Variants in PPP2R3B observed in about 807,000 individuals in gnomAD.
PPP2R3B encodes the protein protein phosphatase 2 regulatory subunit B''beta.
PPP2R3B carries 68 observed loss-of-function variants against 72.9 expected under a neutral mutation model. That is an observed-to-expected ratio of 0.93 (90% CI 0.77 to 1.14). The LOEUF (loss-of-function observed/expected upper bound fraction) is 1.14, where lower values mean the gene tolerates loss of function less well. Ranked by LOEUF, PPP2R3B falls within the 50% of genes most tolerant of loss-of-function variation. The pLI, the probability that PPP2R3B is intolerant of heterozygous loss-of-function variation, is 0.00. For synonymous variants in PPP2R3B, 466 were observed against 375.8 expected (o/e 1.24, Z -2.78); for missense variants, 1,018 against 842.0 (o/e 1.21, Z -2.59).
intron 8 of PPP2R3B, chrX:341,650 C>A (rs1187799258): frequency 6.2e-6 from 4 of 648,950 alleles, no homozygotes; most frequent in African/African-American, 3.6e-5. Context: ...CCGACAAGAA[C>A]CCCCGACCTG....
At chrX:336,708 T>A (rs1486139156) in intron 12 of PPP2R3B, 2 of 152,174 alleles carry the variant, frequency 1.3e-5, no homozygotes, top group African/African-American at 4.8e-5. Flanking sequence ...ACAAGGTCAA[T>A]AAATTCTATA....
chrX:371,776 A>G (rs2071871253), intron 1 of PPP2R3B, among the ~76,000 whole-genome samples: 1 of 152,006 alleles, frequency 6.6e-6, no homozygotes, highest in African/African-American at 2.4e-5. Context: ...TCATGCGCGG[A>G]GTGAAAGCAG....
In PPP2R3B at chrX:340,960, G is replaced by A; in HGVS notation, c.1176-20C>T. The stretch of plus-strand genomic sequence containing the variant: ...TCGATGCTGCGGCACGGCGAGCTCT[G>A]TCAGCCCCTGCCCTGGGCCCTCCCA... On this transcript the variant is annotated intron_variant, in intron 9 of 12. Transcript: ENST00000390665. 1 of 1,604,388 alleles carries A rather than the reference G, an allele frequency of 6.2e-7. No individual in the cohort carries two copies.
chrX:344,986 G>A lies in PPP2R3B; in HGVS notation c.1036+530C>T, dbSNP rs866900767. On this transcript the variant is annotated intron_variant, in intron 7 of 12. Transcript: ENST00000390665. ...ACTCAAGCCCCACAGGCCACAGGCC[G>A]CTTTGAGTTCCTGCAAGTGTGGATG... is the stretch of plus-strand genomic sequence containing the variant. 1.8e-3 allele frequency: 648 copies of A among 356,820 alleles called. 2 individuals are homozygous for A. The highest frequency in any genetic ancestry group is 3.1e-3 in the Non-Finnish European group (553 of 180,904). The allele number at this position is 356,820 out of a possible 1,614,324, so 22.1% of individuals were successfully genotyped here.
At chrX:383,891 A>T (rs1284313038) in intron 1 of PPP2R3B, among the ~76,000 whole-genome samples, 1 of 151,244 alleles carries the variant, frequency 6.6e-6, no homozygotes, top group Non-Finnish European at 1.5e-5. Flanking sequence ...AAAACAACTA[A>T]GTTCCCAGTC....
chrX:345,806 G>T, intron 6 of PPP2R3B, 134 bp from the exon 7 acceptor site: 1 of 703,516 alleles, frequency 1.4e-6, no homozygotes, highest in Non-Finnish European at 2.1e-6. Context: ...GGCAGCTGGG[G>T]CCGGGGGGCA....
At chrX:341,036 C>G in intron 9 of PPP2R3B, 96 bp from the exon 10 acceptor site, 6 of 1,498,298 alleles carry the variant, frequency 4.0e-6, no homozygotes, top group Non-Finnish European at 5.4e-6. Flanking sequence ...TGCACGCGTC[C>G]CCGCTGTGCC....
intron 7 of PPP2R3B, 30 bp downstream of exon 7, chrX:345,486 C>A (rs1212563833): frequency 6.2e-7 from 1 of 1,610,890 alleles, no homozygotes; most frequent in Non-Finnish European, 8.5e-7. Context: ...GGTGTCCGCG[C>A]GGCCCGCCCG....
chrX:375,465 C>T (rs1030293265), intron 1 of PPP2R3B, among the ~76,000 whole-genome samples: 1 of 146,594 alleles, frequency 6.8e-6, no homozygotes, highest in African/African-American at 2.7e-5. Context: ...ATGCAGGATG[C>T]AAACTCACAG....
In PPP2R3B at chrX:367,658, G is replaced by C. The variant is rs145621444; in HGVS notation, c.325-6068C>G. 5.3e-3 allele frequency among the ~76,000 whole-genome samples: 807 copies of C among 152,338 alleles called. 11 individuals are homozygous for C. Among genetic ancestry groups the C allele is most frequent in the African/African-American group, 0.019 (770 of 41,570 alleles). ...CCAAGCTGAAAAAGAGCAGGAGACA[G>C]AGGTGCAGGATGAGACGGTCACAGT... On this transcript the variant is annotated intron_variant, in intron 1 of 12. Transcript: ENST00000390665.
At chrX:364,773 C>T (rs1256971391) in intron 1 of PPP2R3B, among the ~76,000 whole-genome samples, 1 of 79,534 alleles carries the variant, frequency 1.3e-5, no homozygotes. Flanking sequence ...CTCCCAGCTA[C>T]TCGGGAGGCT....
intron 12 of PPP2R3B, chrX:336,473 C>G (rs772714856): frequency 6.6e-6 from 1 of 152,344 alleles, no homozygotes; most frequent in African/African-American, 2.4e-5. Flanking sequence ...CACAAACCAG[C>G]AGGGCTCACT....
intron 1 of PPP2R3B, among the ~76,000 whole-genome samples, chrX:380,138 AATAGGAGAAAATATTTGACACCTTGTGGT>A (rs1475574418): frequency 2.0e-5 from 3 of 152,196 alleles, no homozygotes; most frequent in Non-Finnish European, 4.4e-5. Context: ...TCTCAAGATA[AATAGGAGAAAATATTTGACACCTTGTGGT>A]ATGCAAACAT....
At chrX:372,902 T>G (rs1388778952) in intron 1 of PPP2R3B, among the ~76,000 whole-genome samples, 1 of 152,198 alleles carries the variant, frequency 6.6e-6, no homozygotes, top group Non-Finnish European at 1.5e-5. Context: ...CACTCCAGCC[T>G]GGGAAACAGA....
At chrX:361,716 G>A in intron 1 of PPP2R3B, 126 bp from the exon 2 acceptor site, 5 of 1,066,414 alleles carry the variant, frequency 4.7e-6, no homozygotes, top group Non-Finnish European at 6.9e-6. Flanking sequence ...GCCGGGAGAG[G>A]ACACACTGCA....
At chrX:338,920 A>G in intron 10 of PPP2R3B, 24 bp from the exon 11 acceptor site, 1 of 1,598,250 alleles carries the variant, frequency 6.3e-7, no homozygotes, top group Admixed American at 1.7e-5. Context: ...AGTGCGTCCA[A>G]GGCGCGTGAG....
Position 367,421 on chromosome X carries a change from C to T in PPP2R3B, c.325-5831G>A, listed in dbSNP as rs371480741. On this transcript the variant is annotated intron_variant, in intron 1 of 12. Coordinates refer to ENST00000390665, the MANE Select transcript of PPP2R3B (RefSeq NM_013239.5). ...AATATTGGGCTTTGAAAAATTTAGT[C>T]GACGTTCCTTTTTTTTTTCTTTATA... 6.3e-5 allele frequency among the ~76,000 whole-genome samples: 9 copies of T among 143,966 alleles called. No homozygotes were observed. The East Asian group carries it at 1.0e-3, about 16-fold the overall frequency. The allele number at this position is 143,966 out of a possible 152,430, so 94.4% of individuals were successfully genotyped here. A position where few individuals can be genotyped will look rare whatever the true frequency, so the allele number is the denominator to read the frequency against.
Position 386,781 on chromosome X carries a change from C to G in PPP2R3B, c.-90G>C. ...CCGCCCCGGACCGACCTCGGTGATG[C>G]GAGCACGGCCCGCTGAGGGGGCGCG... On this transcript the variant is annotated 5_prime_UTR_variant, in exon 1 of 13. Coordinates refer to ENST00000390665, the MANE Select transcript of PPP2R3B (RefSeq NM_013239.5). 1.3e-6 allele frequency: 1 copy of G among 788,696 alleles called. No individual in the cohort carries two copies. The allele number at this position is 788,696 out of a possible 1,614,324, so 48.9% of individuals were successfully genotyped here.
intron 2 of PPP2R3B, among the ~76,000 whole-genome samples, chrX:351,021 T>TG (rs1403329676): frequency 6.6e-6 from 1 of 150,804 alleles, no homozygotes; most frequent in Non-Finnish European, 1.5e-5. Flanking sequence ...CGGGGGGGCG[T>TG]GGGGGACTGC....
Sources: allele counts gnomAD v4.1 joint callset (sites outside exome capture counted in the v4.1 genomes callset), GRCh38; gene constraint gnomAD v4.1.1; transcripts MANE v1.5; gene names NCBI Gene and HGNC (gene_info 2026-07-23, HGNC 2026-07-21).